PCDHGA1: variants seen among roughly 807,000 people sequenced by gnomAD.
PCDHGA1 encodes the protein protocadherin gamma subfamily A, 1.
A neutral mutation model predicts 58.0 loss-of-function variants in PCDHGA1; 32 were observed. The observed-to-expected ratio is 0.55, with a 90% CI of 0.42 to 0.74. PCDHGA1 has a LOEUF of 0.74. Ranked by LOEUF, PCDHGA1 falls within the 30% of genes least tolerant of loss-of-function variation. The pLI is 0.00. For synonymous variants in PCDHGA1, 498 were observed against 501.1 expected (o/e 0.99, Z 0.08); for missense variants, 1,205 against 1,182.3 (o/e 1.02, Z -0.28).
At chr5:141,344,666 C>T (rs766344442) in intron 1 of PCDHGA1, 19 of 1,613,968 alleles carry the variant, frequency 1.2e-5, no homozygotes, top group Non-Finnish European at 1.5e-5. Flanking sequence ...ACCAGCTTGT[C>T]CTGGTTGCCT....
At chr5:141,405,246 A>G (rs1163477660) in intron 1 of PCDHGA1, 10 of 1,614,126 alleles carry the variant, frequency 6.2e-6, no homozygotes, top group Non-Finnish European at 8.5e-6. Flanking sequence ...GACTCAAGGA[A>G]GAGTCACCTG....
At chr5:141,398,568 G>A (rs761294182) in intron 1 of PCDHGA1, 5 of 1,614,014 alleles carry the variant, frequency 3.1e-6, no homozygotes, top group African/African-American at 1.3e-5. Flanking sequence ...AGTCTGCACA[G>A]CCTGGCACAA....
rs557973676 is a variant in PCDHGA1, at chr5:141,429,315, T to C, written c.2422-65492T>C. 9.2e-5 allele frequency among the ~76,000 whole-genome samples: 14 copies of C among 152,298 alleles called. No individual in the cohort carries two copies. In the South Asian group the frequency reaches 2.9e-3, roughly 32 times the overall value. ...ACATCAATATTTGAGTATATAAGGC[T>C]TTTTCTTTAATCCATTAACTATAAA... On this transcript the variant is annotated intron_variant, in intron 1 of 3. Transcript: ENST00000517417.
chr5:141,365,539 C>T, intron 1 of PCDHGA1: 1 of 1,613,718 alleles, frequency 6.2e-7, no homozygotes, highest in Non-Finnish European at 8.5e-7. Flanking sequence ...ATTACTATCA[C>T]CTATTAACAA....
intron 1 of PCDHGA1, chr5:141,440,542 C>T (rs1448576873): frequency 6.6e-6 from 1 of 152,206 alleles, no homozygotes; most frequent in Non-Finnish European, 1.5e-5. Context: ...CACGGTTCAG[C>T]AGGAATGTTA....
intron 1 of PCDHGA1, chr5:141,371,020 A>T: frequency 6.2e-7 from 1 of 1,613,970 alleles, no homozygotes; most frequent in Non-Finnish European, 8.5e-7. Context: ...CCACATCACC[A>T]CCTGGTCCTC....
intron 1 of PCDHGA1, chr5:141,356,127 T>G (rs1760117791): frequency 1.2e-6 from 2 of 1,613,754 alleles, no homozygotes; most frequent in African/African-American, 2.7e-5. Flanking sequence ...GTCTAGATTA[T>G]GAGGACTCTG....
chr5:141,468,681 A>G (rs1415798588), intron 1 of PCDHGA1: 1 of 151,830 alleles, frequency 6.6e-6, no homozygotes, highest in African/African-American at 2.4e-5. Flanking sequence ...CCTGGCTAAC[A>G]CGGTGAAACC....
In PCDHGA1 at chr5:141,477,877, C is replaced by A; in HGVS notation, c.2422-16930C>A. 1 of 1,614,170 alleles carries A rather than the reference C, an allele frequency of 6.2e-7. No homozygotes were observed. The highest frequency in any genetic ancestry group is 8.5e-7 in the Non-Finnish European group (1 of 1,180,036). On this transcript the variant is annotated intron_variant, in intron 1 of 3. Transcript: ENST00000517417. This position sits in a 1 kb window ranked among gnomAD's most constrained non-coding sequence, Gnocchi z 4.9. The stretch of plus-strand genomic sequence containing the variant: ...TGCTGCCTCGAGGTACCTCAGCTGG[C>A]CACCTAGTGTCACGGGTGGTAGGCT...
intron 1 of PCDHGA1, chr5:141,426,302 A>G (rs1590676929): frequency 1.2e-5 from 2 of 172,322 alleles, no homozygotes; most frequent in East Asian, 1.4e-4. Context: ...AACAGGGTGA[A>G]GCAGAGAAGC....
rs978480877 is a variant in PCDHGA1, at chr5:141,417,841, G to A, written c.2422-76966G>A. ...CTCCAACTGGAAAAGCGGGGACCCAGCGAGAACCCGAGCGAACGATGGGAG... is the reference window on the plus strand; with the variant it reads ...CTCCAACTGGAAAAGCGGGGACCCAACGAGAACCCGAGCGAACGATGGGAG... On this transcript the variant is annotated intron_variant, in intron 1 of 3. Coordinates refer to ENST00000517417, the MANE Select transcript of PCDHGA1 (RefSeq NM_018912.3). 1.4e-5 allele frequency: 21 copies of A among 1,537,848 alleles called. No homozygotes were observed. In the African/African-American group the frequency reaches 2.6e-4, roughly 19 times the overall value.
Position 141,491,306 on chromosome 5 carries a change from A to G in PCDHGA1, c.2422-3501A>G. ...CTCATACACCCTCCTGAGCGTTCAGACCTTACCCTTTACCTCATTGTGGCT... is the reference window on the plus strand; with the variant it reads ...CTCATACACCCTCCTGAGCGTTCAGGCCTTACCCTTTACCTCATTGTGGCT... On this transcript the variant is annotated intron_variant, in intron 1 of 3. Coordinates refer to ENST00000517417, the MANE Select transcript of PCDHGA1 (RefSeq NM_018912.3). This position sits in a 1 kb window ranked among gnomAD's most constrained non-coding sequence, Gnocchi z 6.9. 1 of 1,614,032 alleles carries G rather than the reference A, an allele frequency of 6.2e-7. No individual in the cohort carries two copies. The highest frequency in any genetic ancestry group is 2.2e-5 in the East Asian group (1 of 44,872).
intron 1 of PCDHGA1, among the ~76,000 whole-genome samples, chr5:141,470,600 G>A (rs890975756): frequency 4.6e-5 from 7 of 152,142 alleles, no homozygotes; most frequent in South Asian, 2.1e-4. Context: ...CGACCTGTGC[G>A]GGGACACAGG....
At position 141,334,057 on chromosome 5, in the gene PCDHGA1, C is replaced by G. The variant is rs1588440698; in HGVS notation, c.2421+952C>G. The G allele has an allele frequency of 6.6e-6, 1 of 152,076 alleles. No individual in the cohort carries two copies. The highest frequency in any genetic ancestry group is 1.9e-4 in the East Asian group (1 of 5,194). 9.4% of individuals were successfully genotyped at this position (152,076 alleles called of 1,614,324 possible). A position where few individuals can be genotyped will look rare whatever the true frequency, so the allele number is the denominator to read the frequency against. On this transcript the variant is annotated intron_variant, in intron 1 of 3. Transcript: ENST00000517417. This position sits in a 1 kb window ranked among gnomAD's most constrained non-coding sequence, Gnocchi z 4.6. ...AAAAAAGTATGGTCGGGGAGTAAGT[C>G]CATGCTTTGATGTATTTACTCTGCT...
In PCDHGA1 at chr5:141,395,061, C is replaced by G. The variant is rs751602382; in HGVS notation, c.2421+61956C>G. 1.5e-5 allele frequency: 25 copies of G among 1,614,158 alleles called. No individual in the cohort carries two copies. In the African/African-American group the frequency reaches 3.2e-4, roughly 21 times the overall value. On this transcript the variant is annotated intron_variant, in intron 1 of 3. Coordinates refer to ENST00000517417, the MANE Select transcript of PCDHGA1 (RefSeq NM_018912.3). ...GGGTGTTGAGGAGGTACAGGCTTTCCTGCAGACCTATTCCCAGGAAGTCTC... is the reference window on the plus strand; with the variant it reads ...GGGTGTTGAGGAGGTACAGGCTTTCGTGCAGACCTATTCCCAGGAAGTCTC...
intron 1 of PCDHGA1, chr5:141,345,257 A>T: frequency 6.2e-7 from 1 of 1,614,000 alleles, no homozygotes; most frequent in Non-Finnish European, 8.5e-7. Flanking sequence ...TGACGGCCAC[A>T]TCCCTGGACC....
intron 1 of PCDHGA1, chr5:141,375,207 ACT>A: frequency 3.7e-6 from 6 of 1,613,896 alleles, no homozygotes; most frequent in Non-Finnish European, 5.1e-6. Flanking sequence ...TTCGATCGAG[ACT>A]CTGGCCTGAA....
At chr5:141,456,837 C>G (rs550771859) in intron 1 of PCDHGA1, among the ~76,000 whole-genome samples, 70 of 152,194 alleles carry the variant, frequency 4.6e-4, no homozygotes, top group Non-Finnish European at 8.2e-4. Context: ...GTAGTGGGCG[C>G]CTGTAATCCC....
At chr5:141,365,872 G>A (rs1172437111) in intron 1 of PCDHGA1, 1 of 1,614,088 alleles carries the variant, frequency 6.2e-7, no homozygotes, top group African/African-American at 1.3e-5. Flanking sequence ...CCGGTGTCCT[G>A]TATGCTCTGA....
Sources: gnomAD v4.1 joint callset for allele counts (sites outside exome capture counted in the v4.1 genomes callset) on GRCh38, gnomAD v4.1.1 for gene constraint, Gnocchi (gnomAD v3.1) non-coding constraint, MANE v1.5 for transcripts, NCBI Gene and HGNC (gene_info 2026-07-23, HGNC 2026-07-21) for gene names.